The following C2CD2L variants were observed in gnomAD, a reference collection of about 807,000 sequenced individuals.
C2CD2L encodes phospholipid transfer protein C2CD2L.
In C2CD2L, 24 loss-of-function variants were observed where a neutral mutation model predicts 69.9. The observed-to-expected ratio is 0.34, with a 90% CI of 0.25 to 0.48. C2CD2L has a LOEUF of 0.48. Among genes scored for constraint, C2CD2L ranks in the 20% least tolerant of loss-of-function variants. The probability of loss-of-function intolerance (pLI) is 0.99; values close to 1 mark genes in which losing one functional copy is unlikely to be tolerated. For missense variants in C2CD2L, 811 were observed against 941.5 expected, an observed-to-expected ratio of 0.86 and a Z score of 1.81; for synonymous variants, 367 against 391.0, an observed-to-expected ratio of 0.94 and a Z score of 0.72.
chr11:119,114,997 C>T lies in C2CD2L; in HGVS notation c.1909+632C>T, dbSNP rs1413329519. On this transcript the variant is annotated intron_variant, in intron 13 of 13. Transcript: ENST00000648610. This position sits in a 1 kb window ranked among gnomAD's most constrained non-coding sequence, Gnocchi z 5.1. ...CATGGCTGGGCACGGTGGTTAATGCCTGTAATCCTAGCACTTTGGGAGGCC... is the reference window on the plus strand; with the variant it reads ...CATGGCTGGGCACGGTGGTTAATGCTTGTAATCCTAGCACTTTGGGAGGCC... The T allele has an allele frequency of 1.3e-5, 2 of 151,276 alleles. No homozygotes were observed. Among genetic ancestry groups the T allele is most frequent in the Admixed American group, 6.5e-5 (1 of 15,324 alleles). 9.4% of individuals were successfully genotyped at this position (151,276 alleles called of 1,614,324 possible).
Position 119,114,365 on chromosome 11 carries a change from G to A in C2CD2L, c.1909G>A (p.Val637Met), listed in dbSNP as rs764208844. The change falls in exon 13 of 14, where the codon GTG becomes ATG. Residue 637 changes from valine (V) to methionine (M), a missense_variant and splice_region_variant. By Grantham distance (21) the Val-to-Met change is conservative (BLOSUM62 1). Coordinates refer to ENST00000648610, the MANE Select transcript of C2CD2L (RefSeq NM_001290474.2). This position sits in a 1 kb window ranked among gnomAD's most constrained non-coding sequence, Gnocchi z 5.1. ...GACCCGCAGCCTCAAGGATCACAAAGGTAGGGGGACGTTGGCAGGGTGCCC... is the reference window on the plus strand; with the variant it reads ...GACCCGCAGCCTCAAGGATCACAAAAGTAGGGGGACGTTGGCAGGGTGCCC... The part of the protein sequence containing the change: ...LETRSLKDHK[V>M]SFLRSGTKLI... 6.2e-6 allele frequency: 10 copies of A among 1,613,886 alleles called. No individual in the cohort carries two copies. The highest frequency in any genetic ancestry group is 4.2e-6 in the Non-Finnish European group (5 of 1,179,838).
In C2CD2L at chr11:119,112,241, C is replaced by T. The variant is rs145847072; in HGVS notation, c.1020-87C>T. On this transcript the variant is annotated intron_variant, in intron 7 of 13. Transcript: ENST00000648610. ...TATGCCGTTTTATTTATGTACACAGCTCTCTGCCTCTGGCCTGTGATCCAC... is the reference window on the plus strand; with the variant it reads ...TATGCCGTTTTATTTATGTACACAGTTCTCTGCCTCTGGCCTGTGATCCAC... 3,827 of 1,140,948 alleles carry T rather than the reference C, an allele frequency of 3.4e-3. 17 individuals carry two copies. The highest frequency in any genetic ancestry group is 6.3e-3 in the Admixed American group (284 of 44,956). The allele number at this position is 1,140,948 out of a possible 1,614,324, so 70.7% of individuals were successfully genotyped here.
rs1565775732 is a variant in C2CD2L, at chr11:119,112,692, C to T, written c.1213-8C>T. ...GCTCTGTCTCTTCTCTCTCCCACCC[C>T]TGGGCAGCTTCACTATGAGGAGGGC... On this transcript the variant is annotated splice_polypyrimidine_tract_variant and splice_region_variant and intron_variant, in intron 9 of 13. Transcript: ENST00000648610. The T allele has an allele frequency of 1.2e-6, 2 of 1,612,892 alleles. No individual in the cohort carries two copies. Among genetic ancestry groups the T allele is most frequent in the Non-Finnish European group, 1.7e-6 (2 of 1,179,360 alleles).
rs1404389784 is a variant in C2CD2L, at chr11:119,109,585, C to T, written c.355-519C>T. ...AAGCATCATACTCTTGAAGCCTCCA[C>T]ATCTTATTTATTTGGAAGAAGGCTT... is the stretch of plus-strand genomic sequence containing the variant. On this transcript the variant is annotated intron_variant, in intron 1 of 13. Transcript: ENST00000648610. The surrounding 1 kb of genome is among the most constrained non-coding windows in gnomAD (Gnocchi z 5.1). Among the ~76,000 whole-genome samples, 1 of 152,178 alleles carries T rather than the reference C, an allele frequency of 6.6e-6. No individual in the cohort carries two copies. The highest frequency in any genetic ancestry group is 2.4e-5 in the African/African-American group (1 of 41,436).
At chr11:119,104,807 T>C (rs906237186), upstream of C2CD2L, among the ~76,000 whole-genome samples, 3 of 152,216 alleles carry the variant, frequency 2.0e-5, no homozygotes, top group East Asian at 5.8e-4. Context: ...AAATGTTTCA[T>C]AGTGCCACAA....
chr11:119,111,648 C>T lies in C2CD2L; in HGVS notation c.1019+19C>T, dbSNP rs765619710. On this transcript the variant is annotated intron_variant, in intron 7 of 13. Coordinates refer to ENST00000648610, the MANE Select transcript of C2CD2L (RefSeq NM_001290474.2). ...TGGCACTGTAAGGAGTAACCCTGCC[C>T]CGACCCCATGCTCCAGAGCAGAGAG... 29 of 1,539,814 alleles carry T rather than the reference C, an allele frequency of 1.9e-5. 1 individual carries two copies. The highest frequency in any genetic ancestry group is 2.6e-5 in the Non-Finnish European group (29 of 1,116,642).
chr11:119,118,115 G>A lies in C2CD2L; in HGVS notation c.*1859G>A, dbSNP rs1946936226. ...ATAATTTAGTTTTATATATTTGGGG[G>A]GACAAGTGCAGGTTTCTTACATGCA... is the stretch of plus-strand genomic sequence containing the variant. On this transcript the variant is annotated 3_prime_UTR_variant, in exon 14 of 14. Transcript: ENST00000648610. 1 of 151,974 alleles carries A rather than the reference G, an allele frequency of 6.6e-6. No individual in the cohort carries two copies. Among genetic ancestry groups the A allele is most frequent in the Non-Finnish European group, 1.5e-5 (1 of 67,986 alleles). The allele number at this position is 151,974 out of a possible 1,614,324, so 9.4% of individuals were successfully genotyped here.
chr11:119,107,296 C>G (rs1946609385), upstream of C2CD2L: 1 of 152,912 alleles, frequency 6.5e-6, no homozygotes. The surrounding 1 kb of genome is among the most constrained non-coding windows in gnomAD (Gnocchi z 5.4). Context: ...TGGCCCCGCC[C>G]GGCGCGGGTG....
chr11:119,113,729 G>T lies in C2CD2L; in HGVS notation c.1489+17G>T. 6.2e-7 allele frequency: 1 copy of T among 1,613,796 alleles called. No individual in the cohort carries two copies. ...GCAGCAGCCGTGAGTGGGGAATGGG[G>T]TGCATGAGTGTGGGTTGGCCCTGGT... On this transcript the variant is annotated intron_variant, in intron 11 of 13. Transcript: ENST00000648610.
chr11:119,105,955 G>T (rs185817829), upstream of C2CD2L, among the ~76,000 whole-genome samples: 8 of 152,270 alleles, frequency 5.3e-5, no homozygotes, highest in East Asian at 1.5e-3. Flanking sequence ...TGCATCCCTG[G>T]TTCTGGCCCT....
rs904275407 is a variant in C2CD2L, at chr11:119,114,426, G to A, written c.1909+61G>A. On this transcript the variant is annotated intron_variant, in intron 13 of 13. Coordinates refer to ENST00000648610, the MANE Select transcript of C2CD2L (RefSeq NM_001290474.2). This position sits in a 1 kb window ranked among gnomAD's most constrained non-coding sequence, Gnocchi z 5.1. ...CTTTTATACACATATCATGACCTGG[G>A]GGACCTCGAGCCAGTGTGCCTTCTC... is the stretch of plus-strand genomic sequence containing the variant. The A allele has an allele frequency of 6.5e-7, 1 of 1,537,100 alleles. No individual in the cohort carries two copies. The highest frequency in any genetic ancestry group is 8.9e-7 in the Non-Finnish European group (1 of 1,125,692).
In C2CD2L at chr11:119,112,554, C is replaced by T; in HGVS notation, c.1157C>T (p.Pro386Leu). ...SRPLSRRQLC[P>L]LTPGPGKALG... ...CCACTGTCTCGAAGACAGTTGTGCC[C>T]ACTCACCCCAGGGCCAGGGAAAGCC... The change falls in exon 9 of 14, where the codon CCA becomes CTA. Residue 386 changes from proline (P) to leucine (L), a missense_variant. Transcript: ENST00000648610. 1.9e-6 allele frequency: 3 copies of T among 1,613,236 alleles called. No individual in the cohort carries two copies. Among genetic ancestry groups the T allele is most frequent in the Non-Finnish European group, 2.5e-6 (3 of 1,179,788 alleles).
chr11:119,114,631 GC>G lies in C2CD2L; in HGVS notation c.1909+269del, dbSNP rs1946839222. The G allele has an allele frequency of 8.6e-5, 37 of 429,692 alleles. No individual in the cohort carries two copies. Among genetic ancestry groups the G allele is most frequent in the Admixed American group, 3.3e-4 (7 of 21,018 alleles). The allele number at this position is 429,692 out of a possible 1,614,324, so 26.6% of individuals were successfully genotyped here. A position where few individuals can be genotyped will look rare whatever the true frequency, so the allele number is the denominator to read the frequency against. On this transcript the variant is annotated intron_variant, in intron 13 of 13. Coordinates refer to ENST00000648610, the MANE Select transcript of C2CD2L (RefSeq NM_001290474.2). The surrounding 1 kb of genome is among the most constrained non-coding windows in gnomAD (Gnocchi z 5.1). ...CCTGAGTCTAAGTGCCATTTTTCCT[GC>G]CCTTTAAAAAAAAATTATAAAAATT...
chr11:119,111,652 C>T (rs373082466), intron 7 of C2CD2L, 23 bp downstream of exon 7: 14 of 1,516,060 alleles, frequency 9.2e-6, no homozygotes, highest in Admixed American at 1.7e-5. Flanking sequence ...CCTGCCCCGA[C>T]CCCATGCTCC....
At position 119,110,719 on chromosome 11, in the gene C2CD2L, G is replaced by T; in HGVS notation, c.570+39G>T. On this transcript the variant is annotated intron_variant, in intron 3 of 13. Transcript: ENST00000648610. This position sits in a 1 kb window ranked among gnomAD's most constrained non-coding sequence, Gnocchi z 5.7. ...TGGGAAACTGAGTTGGGCAGGGGCG[G>T]TTCCATTGGCTCAGCTTCTTCCATT... 6.2e-7 allele frequency: 1 copy of T among 1,612,172 alleles called. No individual in the cohort carries two copies.
rs1182313918 is a variant in C2CD2L at position 119,109,088 on chromosome 11, C to T, written c.354+993C>T. 6.6e-6 allele frequency among the ~76,000 whole-genome samples: 1 copy of T among 152,190 alleles called. No individual in the cohort carries two copies. The highest frequency in any genetic ancestry group is 1.5e-5 in the Non-Finnish European group (1 of 68,040). ...CTTGTCCCTCGGTCAGAAGCAACTC[C>T]CCAGGATAGCTGACTCAACTGGACA... On this transcript the variant is annotated intron_variant, in intron 1 of 13. Coordinates refer to ENST00000648610, the MANE Select transcript of C2CD2L (RefSeq NM_001290474.2). The surrounding 1 kb of genome is among the most constrained non-coding windows in gnomAD (Gnocchi z 5.1).
At chr11:119,106,288 G>A (rs1946585903), upstream of C2CD2L, among the ~76,000 whole-genome samples, 1 of 152,196 alleles carries the variant, frequency 6.6e-6, no homozygotes, top group Admixed American at 6.5e-5. Context: ...ACTTGGGTTT[G>A]GGAGAAAGAT....
In C2CD2L at chr11:119,108,078, C is replaced by A; in HGVS notation, c.337C>A (p.Gln113Lys). 1 of 1,595,654 alleles carries A rather than the reference C, an allele frequency of 6.3e-7. No homozygotes were observed. The highest frequency in any genetic ancestry group is 8.5e-7 in the Non-Finnish European group (1 of 1,172,462). Residue 113 changes from glutamine (Q) to lysine (K), a missense_variant, in exon 1 of 14, where the codon CAG becomes AAG. By Grantham distance (53) the Gln-to-Lys change is moderately conservative. Coordinates refer to ENST00000648610, the MANE Select transcript of C2CD2L (RefSeq NM_001290474.2). ...QRAWVRALNE[Q>K]ACRNGSSIQI... ...GGCTTGGGTGCGAGCGCTGAACGAG[C>A]AGGCCTGCAGAAACGGGGTGAGTTG...
upstream of C2CD2L, among the ~76,000 whole-genome samples, chr11:119,105,339 A>G (rs919134670): frequency 6.6e-6 from 1 of 152,148 alleles, no homozygotes; most frequent in Non-Finnish European, 1.5e-5. Context: ...TAAGTAATGG[A>G]AGAAAGAAGG....
Sources: allele counts gnomAD v4.1 joint callset (sites outside exome capture counted in the v4.1 genomes callset), GRCh38; gene constraint gnomAD v4.1.1; non-coding constraint Gnocchi (gnomAD v3.1); transcripts MANE v1.5; gene names NCBI Gene and HGNC (gene_info 2026-07-23, HGNC 2026-07-21).